PDE10A: variants seen among roughly 807,000 people sequenced by gnomAD.
PDE10A encodes the protein phosphodiesterase 10A.
In PDE10A, 39 loss-of-function variants were observed where a neutral mutation model predicts 97.7. The ratio of observed to expected loss-of-function variants is 0.40; its 90% CI spans 0.31 to 0.52. The LOEUF is 0.52. Among genes scored for constraint, PDE10A ranks in the 20% least tolerant of loss-of-function variants. The pLI is 0.56. For synonymous variants in PDE10A, 371 were observed against 376.8 expected (o/e 0.98, Z 0.18); for missense variants, 731 against 1,047.8 (o/e 0.70, Z 4.17).
At chr6:165,804,600 G>A (rs1562745002) in intron 1 of PDE10A, among the ~76,000 whole-genome samples, 1 of 152,178 alleles carries the variant, frequency 6.6e-6, no homozygotes, top group Non-Finnish European at 1.5e-5. Context: ...CAGCCAAGGA[G>A]CGCCGGAGTT....
intron 1 of PDE10A, among the ~76,000 whole-genome samples, chr6:165,613,588 C>T (rs1787595887): frequency 6.6e-6 from 1 of 152,028 alleles, no homozygotes; most frequent in East Asian, 1.9e-4. Flanking sequence ...CTGCAGTGAG[C>T]CAAGACTGCA....
chr6:165,388,407 C>G lies in PDE10A; in HGVS notation c.2501G>C (p.Arg834Thr). Reference protein sequence around the residue: ...IACLCHDLDHRGFSNSYLQKF... With the variant: ...IACLCHDLDHTGFSNSYLQKF... ...CTGCAGGTAGCTGTTACTGAAGCCCCTGTGGTCCAGGTCATGACACAGACA... is the reference window on the plus strand; with the variant it reads ...CTGCAGGTAGCTGTTACTGAAGCCCGTGTGGTCCAGGTCATGACACAGACA... Residue 834 changes from arginine (R) to threonine (T), a missense_variant, in exon 17 of 22, where the codon AGG (arginine) becomes ACG (threonine). Transcript: ENST00000539869. This position sits in a 1 kb window ranked among gnomAD's most constrained non-coding sequence, Gnocchi z 4.0. 3 of 1,614,148 alleles carry G rather than the reference C, an allele frequency of 1.9e-6. No homozygotes were observed. The highest frequency in any genetic ancestry group is 2.5e-6 in the Non-Finnish European group (3 of 1,180,002).
intron 18 of PDE10A, among the ~76,000 whole-genome samples, chr6:165,369,764 G>A (rs1335413265): frequency 6.9e-6 from 1 of 145,804 alleles, no homozygotes; most frequent in Non-Finnish European, 1.5e-5. Flanking sequence ...GCAACTCCAA[G>A]ACACATAATT....
At chr6:165,701,141 T>G (rs1202643017) in intron 1 of PDE10A, among the ~76,000 whole-genome samples, 1 of 152,246 alleles carries the variant, frequency 6.6e-6, no homozygotes, top group Non-Finnish European at 1.5e-5. Flanking sequence ...GTTCTATAAA[T>G]AGACAAAAGT....
intron 1 of PDE10A, among the ~76,000 whole-genome samples, chr6:165,901,881 G>A (rs1782120750): frequency 7.0e-5 from 1 of 14,220 alleles, no homozygotes; most frequent in African/African-American, 4.3e-4. Context: ...AGCCCAGCCC[G>A]TCACATAAAA....
chr6:165,478,700 T>G (rs1779432191), intron 3 of PDE10A, among the ~76,000 whole-genome samples: 1 of 152,146 alleles, frequency 6.6e-6, no homozygotes, highest in Non-Finnish European at 1.5e-5. Context: ...CCTTTCCAGG[T>G]CTTTTCTCTG....
intron 1 of PDE10A, among the ~76,000 whole-genome samples, chr6:165,836,129 C>T (rs758414683): frequency 3.9e-5 from 6 of 152,126 alleles, no homozygotes; most frequent in Non-Finnish European, 8.8e-5. Context: ...AGTTTCCTGG[C>T]GAGCCATGGG....
intron 1 of PDE10A, among the ~76,000 whole-genome samples, chr6:165,619,484 G>A (rs865865470): frequency 1.3e-5 from 1 of 74,358 alleles, no homozygotes; most frequent in Non-Finnish European, 3.1e-5. Context: ...GTAGTCTAGT[G>A]TAGTCTAGTG....
intron 1 of PDE10A, among the ~76,000 whole-genome samples, chr6:165,892,099 A>G (rs145409259): frequency 2.9e-3 from 438 of 152,258 alleles, no homozygotes; most frequent in African/African-American, 9.8e-3. Context: ...AAGTATTTAT[A>G]CATGTTCTGA....
chr6:165,910,401 A>C (rs2128486145), intron 1 of PDE10A, among the ~76,000 whole-genome samples: 1 of 152,356 alleles, frequency 6.6e-6, no homozygotes, highest in African/African-American at 2.4e-5. Flanking sequence ...ACCGCATCTA[A>C]ATAAATTGCT....
chr6:165,923,244 T>C (rs1782806983), intron 1 of PDE10A, among the ~76,000 whole-genome samples: 2 of 152,210 alleles, frequency 1.3e-5, no homozygotes, highest in African/African-American at 4.8e-5. Flanking sequence ...CTTTTATCAA[T>C]ATAGTTACTG....
chr6:165,482,448 A>G (rs1779660709), intron 2 of PDE10A, 105 bp from the exon 3 acceptor site: 2 of 828,036 alleles, frequency 2.4e-6, no homozygotes, highest in Non-Finnish European at 4.2e-6. Flanking sequence ...GTTTTTTTGC[A>G]ATGCTTCCTC....
At chr6:165,912,047 A>C (rs1161338665) in intron 1 of PDE10A, among the ~76,000 whole-genome samples, 2 of 150,778 alleles carry the variant, frequency 1.3e-5, no homozygotes, top group African/African-American at 4.9e-5. Flanking sequence ...ATCTATCTCT[A>C]TCTCTATTAT....
chr6:165,338,604 A>G (rs1387670424), intron 20 of PDE10A, among the ~76,000 whole-genome samples: 1 of 152,248 alleles, frequency 6.6e-6, no homozygotes, highest in Non-Finnish European at 1.5e-5. Context: ...ATTATTTGTC[A>G]GAAAAAAATG....
chr6:165,901,078 C>T (rs1265683276), intron 1 of PDE10A, among the ~76,000 whole-genome samples: 6 of 151,994 alleles, frequency 3.9e-5, no homozygotes, highest in African/African-American at 1.5e-4. Context: ...TCGGCCTCCA[C>T]GTGGACTCAT....
intron 1 of PDE10A, among the ~76,000 whole-genome samples, chr6:165,643,243 GTGGATGGA>G (rs139921985): frequency 6.6e-6 from 1 of 151,562 alleles, no homozygotes. Context: ...GGGTGGGTGG[GTGGATGGA>G]TGGATGGATG....
At chr6:165,530,620 G>A (rs914868065) in intron 2 of PDE10A, among the ~76,000 whole-genome samples, 19 of 148,048 alleles carry the variant, frequency 1.3e-4, no homozygotes, top group African/African-American at 4.0e-4. Flanking sequence ...CCCCCCCCAC[G>A]AATCTAAAAT....
rs1350108420 is a variant in PDE10A at position 165,459,478 on chromosome 6, C to T, written c.1024-9116G>A. Reference sequence around the variant, plus strand: ...AAGCTATATCACACTGCTGTCAATGCTTCTAATGCATTAGATAGATAGATA... The same window carrying T: ...AAGCTATATCACACTGCTGTCAATGTTTCTAATGCATTAGATAGATAGATA... On this transcript the variant is annotated intron_variant, in intron 3 of 21. Transcript: ENST00000539869. Among the ~76,000 whole-genome samples, 7 of 151,344 alleles carry T rather than the reference C, an allele frequency of 4.6e-5. No individual in the cohort carries two copies. In the East Asian group the frequency reaches 5.8e-4, roughly 13 times the overall value.
chr6:165,865,830 G>T (rs1781027327), intron 1 of PDE10A, among the ~76,000 whole-genome samples: 1 of 152,038 alleles, frequency 6.6e-6, no homozygotes, highest in African/African-American at 2.4e-5. Context: ...AGTTCCACAA[G>T]AAGAGATGAG....
Sources: gnomAD v4.1 joint callset for allele counts (sites outside exome capture counted in the v4.1 genomes callset) on GRCh38, gnomAD v4.1.1 for gene constraint, Gnocchi (gnomAD v3.1) non-coding constraint, MANE v1.5 for transcripts, NCBI Gene and HGNC (gene_info 2026-07-23, HGNC 2026-07-21) for gene names.